Variants in GARNL3 observed in about 807,000 individuals in gnomAD.
The protein encoded by GARNL3 is GTPase-activating Rap/Ran-GAP domain-like protein 3.
In GARNL3, 63 loss-of-function variants were observed where a neutral mutation model predicts 125.0. The observed-to-expected ratio is 0.50, with a 90% confidence interval of 0.41 to 0.62. The LOEUF is 0.62. Among genes scored for constraint, GARNL3 ranks in the 20% least tolerant of loss-of-function variants. The probability of loss-of-function intolerance (pLI) is 0.00; values close to 1 mark genes in which losing one functional copy is unlikely to be tolerated. For synonymous variants in GARNL3, 439 were observed against 457.5 expected, an observed-to-expected ratio of 0.96 and a Z score of 0.52; for missense variants, 994 against 1,244.0, an observed-to-expected ratio of 0.80 and a Z score of 3.02.
intron 2 of GARNL3, among the ~76,000 whole-genome samples, chr9:127,292,523 G>A (rs544966836): frequency 2.6e-5 from 4 of 152,210 alleles, no homozygotes; most frequent in Admixed American, 1.3e-4. Context: ...GCCCATGGAG[G>A]CTGTATACCT....
intron 1 of GARNL3, among the ~76,000 whole-genome samples, chr9:127,274,938 G>A (rs928985729): frequency 9.2e-5 from 14 of 151,968 alleles, no homozygotes; most frequent in African/African-American, 3.1e-4. Flanking sequence ...GGTAACAGCC[G>A]TTGCCTTTCA....
intron 3 of GARNL3, 75 bp downstream of exon 3, chr9:127,311,810 T>C: frequency 9.8e-7 from 1 of 1,017,694 alleles, no homozygotes; most frequent in South Asian, 1.3e-5. Flanking sequence ...ACTTCTGGTA[T>C]CCTATATGAG....
intron 2 of GARNL3, chr9:127,243,373 T>C (rs1246800395): frequency 1.4e-6 from 1 of 700,364 alleles, no homozygotes; most frequent in Non-Finnish European, 2.1e-6. Flanking sequence ...GAGAGAGGAG[T>C]GGATGTTTGG....
At chr9:127,389,989 T>C (rs2131842614) in intron 26 of GARNL3, among the ~76,000 whole-genome samples, 2 of 144,400 alleles carry the variant, frequency 1.4e-5, no homozygotes, top group African/African-American at 5.1e-5. Flanking sequence ...CCCTGATAAG[T>C]GTGAAAAGGT....
intron 1 of GARNL3, among the ~76,000 whole-genome samples, chr9:127,228,143 T>C (rs1290293520): frequency 6.6e-6 from 1 of 152,238 alleles, no homozygotes; most frequent in African/African-American, 2.4e-5. Flanking sequence ...TTCTGAAATC[T>C]CTTTTAAATT....
At chr9:127,318,179 A>C (rs2065293898) in intron 5 of GARNL3, 52 bp downstream of exon 5, 1 of 1,054,068 alleles carries the variant, frequency 9.5e-7, no homozygotes, top group South Asian at 1.3e-5. Flanking sequence ...CCCTTTATAC[A>C]CTGTTTTTGC....
Position 127,357,274 on chromosome 9 carries a change from AAG to A in GARNL3, c.1996_1997del (p.Ser666Ter). On this transcript the variant is annotated frameshift_variant, in exon 21 of 28. Coordinates refer to ENST00000373387, the MANE Select transcript of GARNL3 (RefSeq NM_032293.5). LOFTEE classifies it high-confidence loss of function. ...ATGACCTTAGTGGATGGGCCAGCTG[AAG>A]AGAGTGACAATCTCATCTGTGTGGC... 6.2e-7 allele frequency: 1 copy of A among 1,614,196 alleles called. No individual in the cohort carries two copies. Among genetic ancestry groups the A allele is most frequent in the Non-Finnish European group, 8.5e-7 (1 of 1,180,012 alleles).
Position 127,266,638 on chromosome 9 carries a change from A to G in GARNL3, c.144+1617A>G, listed in dbSNP as rs993159731. Among the ~76,000 whole-genome samples, 2 of 152,186 alleles carry G rather than the reference A, an allele frequency of 1.3e-5. No homozygotes were observed. The highest frequency in any genetic ancestry group is 1.5e-5 in the Non-Finnish European group (1 of 68,026). The stretch of plus-strand genomic sequence containing the variant: ...TCTATAAAATGGGGATATTTCTGTT[A>G]TCTACCTTAGAGGGTTGTTATGAGG... On this transcript the variant is annotated intron_variant, in intron 1 of 27. Transcript: ENST00000373387. This position sits in a 1 kb window ranked among gnomAD's most constrained non-coding sequence, Gnocchi z 4.0.
chr9:127,336,587 T>A (rs1242376230), intron 11 of GARNL3, among the ~76,000 whole-genome samples: 1 of 152,228 alleles, frequency 6.6e-6, no homozygotes. Context: ...GCATAAAAAC[T>A]TGCAAGTTAA....
chr9:127,386,444 G>A (rs1486212376), intron 24 of GARNL3, among the ~76,000 whole-genome samples: 1 of 152,218 alleles, frequency 6.6e-6, no homozygotes, highest in Non-Finnish European at 1.5e-5. Flanking sequence ...CTGCATGATT[G>A]ATTTCAAGCT....
intron 1 of GARNL3, among the ~76,000 whole-genome samples, chr9:127,226,739 T>TAACCCTAACC (rs2062920583): frequency 6.6e-6 from 1 of 152,192 alleles, no homozygotes; most frequent in Non-Finnish European, 1.5e-5. Flanking sequence ...TAACACTGCG[T>TAACCCTAACC]GTAGTTACCC....
intron 22 of GARNL3, among the ~76,000 whole-genome samples, chr9:127,365,716 G>C (rs1170424186): frequency 6.6e-6 from 1 of 152,074 alleles, no homozygotes; most frequent in Non-Finnish European, 1.5e-5. Flanking sequence ...CAGCAGGCTC[G>C]GTTATTATCC....
chr9:127,238,543 A>G (rs142328612), intron 1 of GARNL3, among the ~76,000 whole-genome samples: 27 of 152,308 alleles, frequency 1.8e-4, no homozygotes, highest in Admixed American at 1.5e-3. Context: ...AGGAAACCAC[A>G]TACATACAAA....
Position 127,357,306 on chromosome 9 carries a change from C to G in GARNL3, c.2023C>G (p.Arg675Gly), listed in dbSNP as rs375672702. The G allele has an allele frequency of 1.9e-6, 3 of 1,614,170 alleles. No homozygotes were observed. Among genetic ancestry groups the G allele is most frequent in the Admixed American group, 3.3e-5 (2 of 60,018 alleles). ...ESDNLICVAYRHQFDVVNEST... is the reference protein window; with the variant it reads ...ESDNLICVAYGHQFDVVNEST... Reference sequence around the variant, plus strand: ...TGACAATCTCATCTGTGTGGCTTATCGACACCAATTTGATGTGGTGAATGA... The same window carrying G: ...TGACAATCTCATCTGTGTGGCTTATGGACACCAATTTGATGTGGTGAATGA... Residue 675 changes from arginine (R) to glycine (G), a missense_variant, in exon 21 of 28, where the codon CGA (arginine) becomes GGA (glycine). Around this residue, in one of 5 missense-constraint regions of GARNL3, gnomAD observed 728 missense variants for 865.7 expected, o/e 0.84. Coordinates refer to ENST00000373387, the MANE Select transcript of GARNL3 (RefSeq NM_032293.5).
At chr9:127,343,571 G>T (rs1010182979) in intron 14 of GARNL3, among the ~76,000 whole-genome samples, 2 of 152,226 alleles carry the variant, frequency 1.3e-5, no homozygotes, top group South Asian at 2.1e-4. Flanking sequence ...GCTCCACAAG[G>T]ATAGAGACTA....
At chr9:127,254,795 T>C (rs1396718183) in intron 2 of GARNL3, among the ~76,000 whole-genome samples, 3 of 148,416 alleles carry the variant, frequency 2.0e-5, no homozygotes, top group Admixed American at 1.3e-4. Flanking sequence ...TACCAATTAA[T>C]TGGAAAAAGA....
At chr9:127,360,534 T>G (rs1830938542) in intron 21 of GARNL3, among the ~76,000 whole-genome samples, 1 of 151,890 alleles carries the variant, frequency 6.6e-6, no homozygotes, top group Admixed American at 6.6e-5. Context: ...CCTAAGAAAA[T>G]GAAAAAGATA....
At chr9:127,302,589 A>G (rs897407503) in intron 2 of GARNL3, among the ~76,000 whole-genome samples, 2 of 152,226 alleles carry the variant, frequency 1.3e-5, no homozygotes, top group Admixed American at 1.3e-4. Context: ...TTTCTTAAAA[A>G]CAAAAAAATG....
chr9:127,391,893 C>T (rs976511817), intron 27 of GARNL3, among the ~76,000 whole-genome samples: 5 of 152,162 alleles, frequency 3.3e-5, no homozygotes, highest in Non-Finnish European at 7.3e-5. Flanking sequence ...CAACATCACA[C>T]GTGCTCCAGT....
Sources: allele counts gnomAD v4.1 joint callset (sites outside exome capture counted in the v4.1 genomes callset), GRCh38; gene constraint gnomAD v4.1.1; regional missense constraint gnomAD v4.1.1; non-coding constraint Gnocchi (gnomAD v3.1); transcripts MANE v1.5; gene names NCBI Gene and HGNC (gene_info 2026-07-23, HGNC 2026-07-21).